EPC1: variants seen among roughly 807,000 people sequenced by gnomAD.
The protein encoded by EPC1 is enhancer of polycomb homolog 1.
A neutral mutation model predicts 98.4 loss-of-function variants in EPC1; 12 were observed. That is an observed-to-expected ratio of 0.12 (90% CI 0.08 to 0.20). EPC1 has a LOEUF of 0.20. Among genes scored for constraint, EPC1 ranks in the 10% least tolerant of loss-of-function variants. EPC1 has a pLI of 1.00. For synonymous variants in EPC1, 357 were observed against 363.9 expected (o/e 0.98, Z 0.21); for missense variants, 729 against 990.5 (o/e 0.74, Z 3.54).
intron 1 of EPC1, among the ~76,000 whole-genome samples, chr10:32,369,140 T>C (rs906248723): frequency 1.3e-5 from 2 of 152,194 alleles, no homozygotes; most frequent in African/African-American, 4.8e-5. Context: ...GACAAAGCCA[T>C]GAGAGAAATT....
At chr10:32,375,025 A>C (rs2133129957) in intron 1 of EPC1, among the ~76,000 whole-genome samples, 2 of 152,288 alleles carry the variant, frequency 1.3e-5, no homozygotes, top group Admixed American at 1.3e-4. Flanking sequence ...TCAAAAACAA[A>C]GTCATAACAC....
At chr10:32,342,065 TATTA>T (rs1183708786) in intron 1 of EPC1, among the ~76,000 whole-genome samples, 5 of 152,168 alleles carry the variant, frequency 3.3e-5, no homozygotes, top group African/African-American at 9.7e-5. Flanking sequence ...TGAAACATTT[TATTA>T]ATTCTCTTTG....
rs187116093 is a variant in EPC1, at chr10:32,280,657, G to C, written c.1744+4041C>G. ...AGGAGACTGAGGCAGAGAACTGCTT[G>C]AACCGGGGAGGTGGAGGTTGCAGTG... On this transcript the variant is annotated intron_variant, in intron 10 of 13. Transcript: ENST00000319778. Among the ~76,000 whole-genome samples, 829 of 151,932 alleles carry C rather than the reference G, an allele frequency of 5.5e-3. 13 individuals are homozygous for C. The highest frequency in any genetic ancestry group is 4.4e-3 in the Non-Finnish European group (301 of 67,938).
rs537860504 is a variant in EPC1, at chr10:32,330,988, T to A, written c.153+15775A>T. On this transcript the variant is annotated intron_variant, in intron 1 of 13. Coordinates refer to ENST00000319778, the MANE Select transcript of EPC1 (RefSeq NM_001272004.3). ...GTTCGAACGTAAGATGAAATAAAAC[T>A]TAATGAATGCTTTAAAATAGTGTAG... Among the ~76,000 whole-genome samples the A allele has an allele frequency of 3.9e-5, 6 of 152,214 alleles. No individual in the cohort carries two copies. In the East Asian group the frequency reaches 1.2e-3, roughly 29 times the overall value.
chr10:32,365,642 T>A (rs1221809128), intron 1 of EPC1, among the ~76,000 whole-genome samples: 1 of 130,216 alleles, frequency 7.7e-6, no homozygotes, highest in Non-Finnish European at 1.7e-5. Flanking sequence ...GTGAAACCCC[T>A]GTCTCTACTA....
At chr10:32,307,914 AT>A (rs997123320) in intron 1 of EPC1, among the ~76,000 whole-genome samples, 2 of 152,188 alleles carry the variant, frequency 1.3e-5, no homozygotes, top group African/African-American at 4.8e-5. Context: ...TTAACCCTTA[AT>A]TTCTATGTGT....
At chr10:32,366,544 T>C (rs1839608956) in intron 1 of EPC1, among the ~76,000 whole-genome samples, 1 of 152,214 alleles carries the variant, frequency 6.6e-6, no homozygotes. Context: ...AATTTATTCA[T>C]TGTTTCAGAT....
chr10:32,357,664 T>A (rs1295106981), intron 1 of EPC1, among the ~76,000 whole-genome samples: 1 of 151,920 alleles, frequency 6.6e-6, no homozygotes, highest in Non-Finnish European at 1.5e-5. Context: ...CTTGCTACGT[T>A]GGCTAGGCTG....
chr10:32,337,221 C>T (rs542669588), intron 1 of EPC1, among the ~76,000 whole-genome samples: 14 of 152,328 alleles, frequency 9.2e-5, no homozygotes, highest in Non-Finnish European at 1.8e-4. Flanking sequence ...TGGCCTCGGC[C>T]TCACTACTGA....
intron 1 of EPC1, among the ~76,000 whole-genome samples, chr10:32,373,129 C>A (rs1839797285): frequency 6.6e-6 from 1 of 152,096 alleles, no homozygotes; most frequent in Non-Finnish European, 1.5e-5. Context: ...TTCAGACTTC[C>A]CAAGTTCAAA....
chr10:32,299,974 T>C (rs2505336), intron 2 of EPC1, among the ~76,000 whole-genome samples: 116,784 of 151,718 alleles, frequency 0.77, 45,089 homozygotes, highest in East Asian at 0.96. Context: ...AGTGCAGTGG[T>C]GCGATCTCAG....
intron 10 of EPC1, among the ~76,000 whole-genome samples, chr10:32,281,014 AC>A (rs1836384281): frequency 6.6e-6 from 1 of 152,040 alleles, no homozygotes; most frequent in Admixed American, 6.6e-5. Flanking sequence ...TGCAGTCAAT[AC>A]TTTGTTTCAT....
At chr10:32,273,386 A>G (rs139008894) in intron 10 of EPC1, 105 bp from the exon 11 acceptor site, 1 of 1,384,974 alleles carries the variant, frequency 7.2e-7, no homozygotes, top group Non-Finnish European at 9.6e-7. Context: ...AAATTGAAGC[A>G]TCTGACAAAG....
At chr10:32,337,538 C>T (rs1428110121) in intron 1 of EPC1, among the ~76,000 whole-genome samples, 2 of 152,172 alleles carry the variant, frequency 1.3e-5, no homozygotes, top group Non-Finnish European at 2.9e-5. Context: ...AAGGAGCTGC[C>T]ACATCTGTTT....
intron 1 of EPC1, among the ~76,000 whole-genome samples, chr10:32,361,988 T>C: frequency 6.6e-6 from 1 of 152,274 alleles, no homozygotes; most frequent in South Asian, 2.1e-4. Flanking sequence ...ATCAGGACAG[T>C]TTACAAATGC....
rs770520611 is a variant in EPC1 at position 32,364,001 on chromosome 10, C to CCTTTTTTTTTTTTTTTTTTTT, written c.3+14489_3+14490insAAAAAAAAAAAAAAAAAAAAG. ...AATAGTATCGTGTCCATCATGTTGG[C>CCTTTTTTTTTTTTTTTTTTTT]ATTTTTTTTTTTTTTTTTTTTTTTT... is the stretch of plus-strand genomic sequence containing the variant. On this transcript the variant is annotated intron_variant, in intron 1 of 13. Coordinates refer to the EPC1 transcript ENST00000375110. Among the ~76,000 whole-genome samples the CCTTTTTTTTTTTTTTTTTTTT allele has an allele frequency of 7.8e-4, 48 of 61,840 alleles. 23 individuals are homozygous for CCTTTTTTTTTTTTTTTTTTTT. The highest frequency in any genetic ancestry group is 1.3e-3 in the South Asian group (2 of 1,550). The allele number at this position is 61,840 out of a possible 152,430, so 40.6% of individuals were successfully genotyped here.
intron 1 of EPC1, among the ~76,000 whole-genome samples, chr10:32,336,067 CTTT>C (rs1222918543): frequency 1.8e-5 from 1 of 55,196 alleles, no homozygotes. Context: ...ACTACCTTTT[CTTT>C]TTTTTTTTTT....
Position 32,293,168 on chromosome 10 carries a change from T to C in EPC1, c.486A>G (p.Leu162=). The C allele has an allele frequency of 6.2e-7, 1 of 1,613,032 alleles. No individual in the cohort carries two copies. Among genetic ancestry groups the C allele is most frequent in the Non-Finnish European group, 8.5e-7 (1 of 1,179,482 alleles). Residue 162 remains leucine, a synonymous_variant, in exon 4 of 14, where the codon CTA becomes CTG. Transcript: ENST00000319778. The part of the protein sequence containing the change: ...QQPVSLQEAK[L]LLKEDDELIR... ...TTAGTTCATCATCTTCTTTTAGCAG[T>C]AGTTTGGCTTCCTGCAGACTGACTG...
chr10:32,343,544 G>A (rs961150819), intron 1 of EPC1, among the ~76,000 whole-genome samples: 1 of 152,184 alleles, frequency 6.6e-6, no homozygotes, highest in Non-Finnish European at 1.5e-5. Context: ...AAATTTCGAT[G>A]CATTACATTC....
Sources: gnomAD v4.1 joint callset for allele counts (sites outside exome capture counted in the v4.1 genomes callset) on GRCh38, gnomAD v4.1.1 for gene constraint, MANE v1.5 for transcripts, NCBI Gene and HGNC (gene_info 2026-07-23, HGNC 2026-07-21) for gene names.